The following THSD4 variants were observed in gnomAD, a reference collection of about 807,000 sequenced individuals.
The protein encoded by THSD4 is thrombospondin type 1 domain containing 4, also known as thrombospondin type-1 domain-containing protein 4.
Under a neutral mutation model 119.0 loss-of-function variants are expected in THSD4, and 69 were observed. The observed-to-expected ratio is 0.58, with a 90% CI of 0.48 to 0.71. The LOEUF is 0.71. THSD4 is among the 30% of genes least tolerant of loss of function. The pLI is 0.00. For synonymous variants in THSD4, 524 were observed against 540.4 expected, an observed-to-expected ratio of 0.97 and a Z score of 0.42; for missense variants, 1,393 against 1,391.1, an observed-to-expected ratio of 1.00 and a Z score of -0.02.
rs182378671 is a variant in THSD4, at chr15:71,557,972, A to T, written c.1153-102558A>T. 4.1e-3 allele frequency among the ~76,000 whole-genome samples: 629 copies of T among 151,986 alleles called. 5 individuals carry two copies. The highest frequency in any genetic ancestry group is 0.025 in the South Asian group (120 of 4,808). ...GAAGCTTTGTTTTCTATTCCATTCA[A>T]TTCTGCTCTTTCCGCGGGTTTATTT... On this transcript the variant is annotated intron_variant, in intron 7 of 17. Coordinates refer to ENST00000261862, the MANE Select transcript of THSD4 (RefSeq NM_024817.3).
At chr15:71,138,109 G>C (rs2040567860) in intron 1 of THSD4, among the ~76,000 whole-genome samples, 2 of 152,038 alleles carry the variant, frequency 1.3e-5, no homozygotes, top group African/African-American at 4.8e-5. Flanking sequence ...CCCAAGACTG[G>C]GTCATTTATA....
intron 8 of THSD4, among the ~76,000 whole-genome samples, chr15:71,671,578 T>TA (rs2051529535): frequency 1.3e-5 from 2 of 152,224 alleles, no homozygotes; most frequent in South Asian, 2.1e-4. Flanking sequence ...TCCTGAATTG[T>TA]ATTGCCTAGG....
chr15:71,619,450 C>T lies in THSD4; in HGVS notation c.1153-41080C>T, dbSNP rs532271931. Reference sequence around the variant, plus strand: ...GGAAAACAAGGCAGGCCCCAGTGTTCGGAAGGGGCAGAGGCACCGGGAGAG... The same window carrying T: ...GGAAAACAAGGCAGGCCCCAGTGTTTGGAAGGGGCAGAGGCACCGGGAGAG... On this transcript the variant is annotated intron_variant, in intron 7 of 17. Coordinates refer to ENST00000261862, the MANE Select transcript of THSD4 (RefSeq NM_024817.3). 9.2e-5 allele frequency among the ~76,000 whole-genome samples: 14 copies of T among 152,228 alleles called. 1 individual carries two copies. In the South Asian group the frequency reaches 1.5e-3, roughly 16 times the overall value.
intron 7 of THSD4, among the ~76,000 whole-genome samples, chr15:71,535,996 A>G (rs1483403927): frequency 6.6e-6 from 1 of 152,164 alleles, no homozygotes; most frequent in African/African-American, 2.4e-5. Context: ...CTATAAAACC[A>G]TCACCTAACC....
At chr15:71,539,746 C>T (rs930503065) in intron 7 of THSD4, among the ~76,000 whole-genome samples, 9 of 152,100 alleles carry the variant, frequency 5.9e-5, no homozygotes, top group Non-Finnish European at 8.8e-5. Context: ...GAAGACCTCC[C>T]GTCATAAGCA....
intron 6 of THSD4, among the ~76,000 whole-genome samples, chr15:71,294,142 C>T (rs1006490458): frequency 1.3e-5 from 2 of 152,224 alleles, no homozygotes; most frequent in African/African-American, 4.8e-5. Context: ...TAACACCTCT[C>T]TGAACCAAAG....
At chr15:71,376,741 G>A (rs760103682) in intron 6 of THSD4, among the ~76,000 whole-genome samples, 3 of 152,194 alleles carry the variant, frequency 2.0e-5, no homozygotes, top group Non-Finnish European at 4.4e-5. Context: ...AAGGCATGAG[G>A]TCAGAATATG....
intron 7 of THSD4, among the ~76,000 whole-genome samples, chr15:71,650,016 A>G (rs2051052544): frequency 6.6e-6 from 1 of 152,192 alleles, no homozygotes; most frequent in Admixed American, 6.5e-5. Context: ...ACTACTTAAT[A>G]TAGAGGGTGG....
chr15:71,480,916 T>TACTTAGGAAAGTAACTTGAACTTCCACA (rs2047721174), intron 7 of THSD4, among the ~76,000 whole-genome samples: 1 of 152,218 alleles, frequency 6.6e-6, no homozygotes, highest in South Asian at 2.1e-4. Context: ...GAACACCCCA[T>TACTTAGGAAAGTAACTTGAACTTCCACA]GCATGCAGTT....
intron 7 of THSD4, among the ~76,000 whole-genome samples, chr15:71,431,807 A>G (rs745745520): frequency 6.6e-6 from 1 of 152,210 alleles, no homozygotes; most frequent in Non-Finnish European, 1.5e-5. Flanking sequence ...CAGAACACCA[A>G]GAATGTTATA....
intron 3 of THSD4, among the ~76,000 whole-genome samples, chr15:71,169,930 T>C (rs2043338687): frequency 6.6e-6 from 1 of 152,018 alleles, no homozygotes; most frequent in Non-Finnish European, 1.5e-5. Context: ...TCCCAGCATT[T>C]TGGAAGGCCA....
chr15:71,332,785 G>A lies in THSD4; in HGVS notation c.1015+76070G>A, dbSNP rs545601190. 2.0e-5 allele frequency among the ~76,000 whole-genome samples: 3 copies of A among 151,980 alleles called. No individual in the cohort carries two copies. The East Asian group carries it at 5.8e-4, about 29-fold the overall frequency. The stretch of plus-strand genomic sequence containing the variant: ...TGAGTGATGAATTCATTAACTGCAA[G>A]CTGAGCCCTTTAAACAAGCTTGTCC... On this transcript the variant is annotated intron_variant, in intron 6 of 17. Coordinates refer to ENST00000261862, the MANE Select transcript of THSD4 (RefSeq NM_024817.3).
At chr15:71,153,741 G>T (rs753447202) in intron 2 of THSD4, among the ~76,000 whole-genome samples, 11 of 152,168 alleles carry the variant, frequency 7.2e-5, no homozygotes, top group Non-Finnish European at 1.5e-5. Context: ...AGTTGTGTTG[G>T]AAGCCTCAAA....
At chr15:71,443,775 C>T (rs1376250051) in intron 7 of THSD4, among the ~76,000 whole-genome samples, 1 of 152,216 alleles carries the variant, frequency 6.6e-6, no homozygotes, top group Non-Finnish European at 1.5e-5. Context: ...TACATTGCTT[C>T]AGCTGTTAAG....
intron 1 of THSD4, among the ~76,000 whole-genome samples, chr15:71,124,965 T>C (rs376059248): frequency 1.3e-5 from 2 of 152,184 alleles, no homozygotes; most frequent in East Asian, 3.9e-4. Flanking sequence ...GCTACATATA[T>C]GGGAGGCTAA....
chr15:71,299,573 G>C (rs12916715), intron 6 of THSD4, among the ~76,000 whole-genome samples: 22,154 of 152,150 alleles, frequency 0.15, 1,674 homozygotes, highest in South Asian at 0.27. Context: ...AGAGGGAGCT[G>C]TTAGTCAAAG....
chr15:71,732,720 C>T (rs896088180), intron 10 of THSD4: 1 of 152,108 alleles, frequency 6.6e-6, no homozygotes, highest in Non-Finnish European at 1.5e-5. Flanking sequence ...TAATAATTGT[C>T]CTGATCTCAC....
intron 7 of THSD4, among the ~76,000 whole-genome samples, chr15:71,442,287 G>A (rs1285986030): frequency 5.3e-5 from 8 of 151,850 alleles, no homozygotes; most frequent in Non-Finnish European, 1.2e-4. Flanking sequence ...AAGGAGATGA[G>A]GCCGAGTGCA....
chr15:71,521,381 C>A (rs905493443), intron 7 of THSD4, among the ~76,000 whole-genome samples: 19 of 152,076 alleles, frequency 1.2e-4, no homozygotes, highest in Non-Finnish European at 2.5e-4. Flanking sequence ...AAATAAGATT[C>A]TTTAGGCATC....
Sources: allele counts gnomAD v4.1 joint callset (sites outside exome capture counted in the v4.1 genomes callset), GRCh38; gene constraint gnomAD v4.1.1; transcripts MANE v1.5; gene names NCBI Gene and HGNC (gene_info 2026-07-23, HGNC 2026-07-21).